Variants in SERPINE3 observed in about 807,000 individuals in gnomAD.
The protein encoded by SERPINE3 is serpin family E member 3, also known as serpin E3.
Under a neutral mutation model 41.7 loss-of-function variants are expected in SERPINE3, and 43 were observed. The ratio of observed to expected loss-of-function variants is 1.03; its 90% CI spans 0.81 to 1.33. The LOEUF is 1.33. Ranked by LOEUF, SERPINE3 falls within the 40% of genes most tolerant of loss-of-function variation. The pLI is 0.00. For missense variants in SERPINE3, 440 were observed against 491.7 expected (o/e 0.89, Z 0.99); for synonymous variants, 200 against 192.2 (o/e 1.04, Z -0.34).
At chr13:51,344,521 C>A (rs1481925005) in intron 4 of SERPINE3, 36 bp downstream of exon 4, 2 of 1,467,192 alleles carry the variant, frequency 1.4e-6, no homozygotes, top group African/African-American at 1.4e-5. Flanking sequence ...AAGGCTAAGG[C>A]AGAGGGCTGC....
At chr13:51,344,535 G>A (rs1014684060) in intron 4 of SERPINE3, 50 bp downstream of exon 4, 2 of 1,422,634 alleles carry the variant, frequency 1.4e-6, no homozygotes, top group Admixed American at 2.0e-5. Context: ...GGGCTGCAGA[G>A]ACAGAGTCTC....
At chr13:51,359,056 A>G (rs550498928) in intron 7 of SERPINE3, among the ~76,000 whole-genome samples, 2 of 152,114 alleles carry the variant, frequency 1.3e-5, no homozygotes, top group African/African-American at 4.8e-5. Context: ...CATCTCCCAC[A>G]TATAATTAAT....
rs1555279764 is a variant in SERPINE3, at chr13:51,344,497, C to T, written c.490+12C>T. 1.3e-6 allele frequency: 2 copies of T among 1,547,042 alleles called. No homozygotes were observed. The highest frequency in any genetic ancestry group is 2.4e-5 in the South Asian group (2 of 84,440). On this transcript the variant is annotated intron_variant, in intron 4 of 9. Transcript: ENST00000681248. ...CAGAGAGACTGCAGGTAAAAGAAAA[C>T]TGTACATTTCAACAAGGCTAAGGCA... is the stretch of plus-strand genomic sequence containing the variant.
chr13:51,348,149 C>T, intron 5 of SERPINE3, 64 bp from the exon 6 acceptor site: 1 of 1,285,402 alleles, frequency 7.8e-7, no homozygotes, highest in African/African-American at 1.5e-5. Flanking sequence ...CTCTCAGGGT[C>T]CGACACTGGT....
chr13:51,359,832 T>C (rs1013612492), intron 7 of SERPINE3, among the ~76,000 whole-genome samples: 1 of 152,114 alleles, frequency 6.6e-6, no homozygotes, highest in African/African-American at 2.4e-5. Context: ...TTTGCTTAAT[T>C]AGCTAGTAAG....
Position 51,344,305 on chromosome 13 carries a change from A to C in SERPINE3, c.310A>C (p.Ser104Arg), listed in dbSNP as rs1399617460. ...TGTTTATGCCACACTACCCACCTCC[A>C]GCCAAGGCACCGAGATGGAGCTGGC... is the stretch of plus-strand genomic sequence containing the variant. Reference protein sequence around the residue: ...HAVYATLPTSSQGTEMELACS... With the variant: ...HAVYATLPTSRQGTEMELACS... The change falls in exon 4 of 10, where the codon AGC becomes CGC. Residue 104 changes from serine to arginine, a missense_variant. By Grantham distance (110) the Ser-to-Arg change is moderately radical. Transcript: ENST00000681248. 6.2e-7 allele frequency: 1 copy of C among 1,613,840 alleles called. No individual in the cohort carries two copies. Among genetic ancestry groups the C allele is most frequent in the Non-Finnish European group, 8.5e-7 (1 of 1,179,880 alleles).
chr13:51,340,071 C>T (rs1352962434), intron 1 of SERPINE3, among the ~76,000 whole-genome samples: 1 of 152,176 alleles, frequency 6.6e-6, no homozygotes. Context: ...CCATCGTGCT[C>T]AGTGGCCTTG....
At chr13:51,355,781 C>T (rs992978227) in intron 7 of SERPINE3, among the ~76,000 whole-genome samples, 1 of 151,974 alleles carries the variant, frequency 6.6e-6, no homozygotes, top group African/African-American at 2.4e-5. Context: ...AATGCCAGAA[C>T]CTATGTTCTA....
At chr13:51,361,942 C>T (rs973737230) in intron 9 of SERPINE3, 49 bp downstream of exon 9, 21 of 1,611,754 alleles carry the variant, frequency 1.3e-5, no homozygotes, top group African/African-American at 2.7e-5. Flanking sequence ...CAGTGTCTCT[C>T]TAGCAACAAG....
intron 7 of SERPINE3, among the ~76,000 whole-genome samples, chr13:51,359,656 G>C (rs1321137867): frequency 6.6e-6 from 1 of 151,966 alleles, no homozygotes; most frequent in African/African-American, 2.4e-5. Flanking sequence ...AGCTGATAAG[G>C]GGTTTCATAG....
rs370556195 is a variant in SERPINE3 at position 51,344,421 on chromosome 13, C to G, written c.426C>G (p.Ala142=). The G allele has an allele frequency of 1.9e-6, 3 of 1,609,714 alleles. No homozygotes were observed. The South Asian group carries it at 3.3e-5, about 18-fold the overall frequency. ...GGGCTAACAGCAGCCTGGAACCAGCCGACCTCAGTGAGCCCAATAGCACCG... is the reference window on the plus strand; with the variant it reads ...GGGCTAACAGCAGCCTGGAACCAGCGGACCTCAGTGAGCCCAATAGCACCG... The part of the protein sequence containing the change: ...SWWANSSLEP[A]DLSEPNSTAI... Residue 142 remains alanine, a synonymous_variant, in exon 4 of 10, where the codon GCC becomes GCG. Transcript: ENST00000681248.
chr13:51,358,693 T>C (rs144286478), intron 7 of SERPINE3, among the ~76,000 whole-genome samples: 2 of 152,230 alleles, frequency 1.3e-5, no homozygotes, highest in African/African-American at 2.4e-5. Flanking sequence ...GATTAAGACA[T>C]CATTTATGCT....
chr13:51,349,807 C>A (rs770721266), intron 6 of SERPINE3, among the ~76,000 whole-genome samples: 1 of 152,176 alleles, frequency 6.6e-6, no homozygotes, highest in Non-Finnish European at 1.5e-5. Flanking sequence ...TAGCACTTAA[C>A]CTCATTCTGA....
intron 9 of SERPINE3, chr13:51,362,847 G>A (rs559762905): frequency 6.6e-6 from 1 of 152,532 alleles, no homozygotes; most frequent in Non-Finnish European, 1.5e-5. Context: ...TGACGAGAAA[G>A]ATATAAACCA....
chr13:51,339,829 T>A (rs534694708), intron 1 of SERPINE3, 86 bp downstream of exon 1: 2 of 151,848 alleles, frequency 1.3e-5, no homozygotes, highest in East Asian at 3.9e-4. Flanking sequence ...TTGCTGAGAG[T>A]GTTCTTGTGG....
At chr13:51,347,950 C>T (rs1955364356) in intron 5 of SERPINE3, among the ~76,000 whole-genome samples, 1 of 139,554 alleles carries the variant, frequency 7.2e-6, no homozygotes. Context: ...TCTGCATGTG[C>T]CATCGTCCCC....
intron 3 of SERPINE3, 150 bp downstream of exon 3, chr13:51,341,497 G>T (rs1955291457): frequency 7.5e-6 from 6 of 802,938 alleles, no homozygotes; most frequent in Non-Finnish European, 1.2e-5. Flanking sequence ...TCACCCTGCT[G>T]CTCAGGCTAC....
At position 51,340,867 on chromosome 13, in the gene SERPINE3, T is replaced by A; in HGVS notation, c.-18+6T>A. 1 of 586,666 alleles carries A rather than the reference T, an allele frequency of 1.7e-6. No homozygotes were observed. The allele number at this position is 586,666 out of a possible 1,614,324, so 36.3% of individuals were successfully genotyped here. ...TTGGCTGCCAAAGGACCACAGTGAG[T>A]ATTTCTAATGCTGAAACAAGAGGGT... On this transcript the variant is annotated splice_donor_region_variant and intron_variant, in intron 2 of 9. Transcript: ENST00000681248.
chr13:51,363,931 A>G, intron 9 of SERPINE3: 1 of 200,834 alleles, frequency 5.0e-6, no homozygotes, highest in Non-Finnish European at 9.9e-6. Context: ...AAGCTGCTCA[A>G]TATTGGGATG....
Sources: gnomAD v4.1 joint callset for allele counts (sites outside exome capture counted in the v4.1 genomes callset) on GRCh38, gnomAD v4.1.1 for gene constraint, MANE v1.5 for transcripts, NCBI Gene and HGNC (gene_info 2026-07-23, HGNC 2026-07-21) for gene names.